The following CD247 variants were observed in gnomAD, a reference collection of about 807,000 sequenced individuals.
The protein encoded by CD247 is T-cell surface glycoprotein CD3 zeta chain.
In CD247, 13 loss-of-function variants were observed where a neutral mutation model predicts 30.0. The observed-to-expected ratio is 0.43, with a 90% CI of 0.28 to 0.69. The LOEUF is 0.69. CD247 is among the 30% of genes least tolerant of loss of function. The pLI is 0.16. For synonymous variants in CD247, 72 were observed against 80.0 expected (o/e 0.90, Z 0.53); for missense variants, 193 against 212.6 (o/e 0.91, Z 0.57).
intron 6 of CD247, among the ~76,000 whole-genome samples, chr1:167,433,659 A>G (rs1183849914): frequency 1.3e-5 from 2 of 152,206 alleles, no homozygotes; most frequent in Non-Finnish European, 2.9e-5. Flanking sequence ...GTTGATGAAC[A>G]ATTCTTAATT....
At chr1:167,468,417 T>C (rs1220440272) in intron 1 of CD247, among the ~76,000 whole-genome samples, 1 of 152,236 alleles carries the variant, frequency 6.6e-6, no homozygotes, top group Admixed American at 6.5e-5. Context: ...GAGTCAATTT[T>C]TTCTTCTGAA....
intron 1 of CD247, among the ~76,000 whole-genome samples, chr1:167,460,306 G>A (rs1378408302): frequency 1.3e-5 from 2 of 152,204 alleles, no homozygotes; most frequent in African/African-American, 4.8e-5. Context: ...GGAAGCTGAG[G>A]TGGGAGGATC....
chr1:167,449,156 T>TTTTTTTTTTTTTTTTTTTC (rs1652238529), intron 1 of CD247, among the ~76,000 whole-genome samples: 3 of 113,592 alleles, frequency 2.6e-5, no homozygotes, highest in Non-Finnish European at 5.1e-5. Context: ...TTTCTTTTTT[T>TTTTTTTTTTTTTTTTTTTC]TTTTTTTTTT....
chr1:167,436,602 T>A (rs1469763392), intron 4 of CD247, among the ~76,000 whole-genome samples: 1 of 152,072 alleles, frequency 6.6e-6, no homozygotes, highest in Non-Finnish European at 1.5e-5. Flanking sequence ...TATACAAAAA[T>A]CAACTGAAAA....
intron 1 of CD247, among the ~76,000 whole-genome samples, chr1:167,484,250 CA>C (rs1654104018): frequency 6.6e-6 from 1 of 152,212 alleles, no homozygotes; most frequent in Admixed American, 6.5e-5. Context: ...AATCAGCAGA[CA>C]CCACCAGCTC....
chr1:167,431,385 C>A lies in CD247; in HGVS notation c.*296G>T. The A allele has an allele frequency of 1.7e-6, 1 of 599,866 alleles. No individual in the cohort carries two copies. Among genetic ancestry groups the A allele is most frequent in the East Asian group, 2.7e-5 (1 of 36,436 alleles). 37.2% of individuals were successfully genotyped at this position (599,866 alleles called of 1,614,324 possible). A position where few individuals can be genotyped will look rare whatever the true frequency, so the allele number is the denominator to read the frequency against. Reference sequence around the variant, plus strand: ...AACAACTCAGCTGTGAGAGGCAGTGCGCCCGCCTCCCAGGGAGAACGAGGA... The same window carrying A: ...AACAACTCAGCTGTGAGAGGCAGTGAGCCCGCCTCCCAGGGAGAACGAGGA... On this transcript the variant is annotated 3_prime_UTR_variant, in exon 8 of 8. Transcript: ENST00000362089.
chr1:167,501,205 A>C (rs1654891683), intron 1 of CD247, among the ~76,000 whole-genome samples: 1 of 151,024 alleles, frequency 6.6e-6, no homozygotes. Context: ...CAGGCATGCC[A>C]CCACACCTGG....
At chr1:167,471,523 T>C (rs1436445716) in intron 1 of CD247, among the ~76,000 whole-genome samples, 2 of 152,354 alleles carry the variant, frequency 1.3e-5, no homozygotes, top group Admixed American at 1.3e-4. Context: ...GTAGCAATGT[T>C]GAACATTTTT....
intron 1 of CD247, among the ~76,000 whole-genome samples, chr1:167,465,309 CCTTTTTTTTTT>C (rs1653190436): frequency 7.8e-6 from 1 of 128,670 alleles, no homozygotes; most frequent in Non-Finnish European, 1.9e-5. Context: ...CTTCCACCTT[CCTTTTTTTTTT>C]CTTTTTCTTT....
intron 2 of CD247, 22 bp from the exon 3 acceptor site, chr1:167,439,422 G>T: frequency 6.2e-7 from 1 of 1,613,484 alleles, no homozygotes; most frequent in Admixed American, 1.7e-5. Context: ...AAAGCAAAGC[G>T]CGTTACTGCT....
intron 1 of CD247, among the ~76,000 whole-genome samples, chr1:167,453,557 A>T (rs60724367): frequency 0.018 from 2,772 of 152,326 alleles, 87 homozygotes; most frequent in African/African-American, 0.063. Flanking sequence ...AAAATAATGT[A>T]AATGTCCATC....
In CD247 at chr1:167,514,147, A is replaced by T. The variant is rs200905190; in HGVS notation, c.58+4261T>A. Among the ~76,000 whole-genome samples, 8 of 141,188 alleles carry T rather than the reference A, an allele frequency of 5.7e-5. No individual in the cohort carries two copies. In the East Asian group the frequency reaches 1.3e-3, roughly 23 times the overall value. The allele number at this position is 141,188 out of a possible 152,430, so 92.6% of individuals were successfully genotyped here. On this transcript the variant is annotated intron_variant, in intron 1 of 7. Transcript: ENST00000362089. Reference sequence around the variant, plus strand: ...ATTCTTATTTTATTTTATTTTATTTATTTTTTTGAGATGGAATCTTGCTCT... The same window carrying T: ...ATTCTTATTTTATTTTATTTTATTTTTTTTTTTGAGATGGAATCTTGCTCT...
Position 167,434,048 on chromosome 1 carries a change from G to A in CD247, c.365C>T (p.Ala122Val), listed in dbSNP as rs372665461. The change falls in exon 6 of 8, where the codon GCC becomes GTC. Residue 122 changes from alanine to valine, a missense_variant. Physicochemically the swap from Ala to Val is moderately conservative, Grantham distance 64 (BLOSUM62 0). Coordinates refer to ENST00000362089, the MANE Select transcript of CD247 (RefSeq NM_198053.3). ...GCCTTTCATCCCAATCTCACTGTAGGCCTCCGCCATCTTATCTTTCTGCAG... is the reference window on the plus strand; with the variant it reads ...GCCTTTCATCCCAATCTCACTGTAGACCTCCGCCATCTTATCTTTCTGCAG... Reference protein sequence around the residue: ...NELQKDKMAEAYSEIGMKGER... With the variant: ...NELQKDKMAEVYSEIGMKGER... 2 of 1,614,090 alleles carry A rather than the reference G, an allele frequency of 1.2e-6. No homozygotes were observed. Among genetic ancestry groups the A allele is most frequent in the Non-Finnish European group, 1.7e-6 (2 of 1,179,932 alleles).
intron 1 of CD247, among the ~76,000 whole-genome samples, chr1:167,476,514 C>T (rs1653753573): frequency 1.3e-5 from 2 of 152,100 alleles, no homozygotes; most frequent in African/African-American, 4.8e-5. Flanking sequence ...ATTAAAATAA[C>T]AATTCATAGT....
At chr1:167,475,852 CA>C (rs1653724791) in intron 1 of CD247, among the ~76,000 whole-genome samples, 1 of 152,010 alleles carries the variant, frequency 6.6e-6, no homozygotes, top group Non-Finnish European at 1.5e-5. Context: ...ATGCAAGAGA[CA>C]GAGAAACTGT....
At chr1:167,504,587 A>AAAGGCTAGT (rs1200243224) in intron 1 of CD247, among the ~76,000 whole-genome samples, 1 of 152,226 alleles carries the variant, frequency 6.6e-6, no homozygotes, top group Non-Finnish European at 1.5e-5. Flanking sequence ...CATCACTAGT[A>AAAGGCTAGT]AAGGCTAGTT....
chr1:167,515,281 G>T (rs111342652), intron 1 of CD247, among the ~76,000 whole-genome samples: 2 of 152,302 alleles, frequency 1.3e-5, no homozygotes, highest in South Asian at 2.1e-4. Flanking sequence ...ATACTCAGTC[G>T]CTGTGCACCC....
At chr1:167,455,147 C>A (rs909932153) in intron 1 of CD247, among the ~76,000 whole-genome samples, 1 of 152,220 alleles carries the variant, frequency 6.6e-6, no homozygotes, top group Admixed American at 6.5e-5. Flanking sequence ...TTTTCGGAGG[C>A]TGGGAGAGGA....
In CD247 at chr1:167,470,346, C is replaced by T. The variant is rs1391355176; in HGVS notation, c.59-29579G>A. Reference sequence around the variant, plus strand: ...AACGGACAACTCAGCTCTACTTGTCCTAAGCAGAACTCCTTATTTCTCCCC... The same window carrying T: ...AACGGACAACTCAGCTCTACTTGTCTTAAGCAGAACTCCTTATTTCTCCCC... On this transcript the variant is annotated intron_variant, in intron 1 of 7. Coordinates refer to ENST00000362089, the MANE Select transcript of CD247 (RefSeq NM_198053.3). Among the ~76,000 whole-genome samples, 6 of 152,250 alleles carry T rather than the reference C, an allele frequency of 3.9e-5. No homozygotes were observed. In the South Asian group the frequency reaches 6.2e-4, roughly 16 times the overall value.
Sources: allele counts gnomAD v4.1 joint callset (sites outside exome capture counted in the v4.1 genomes callset), GRCh38; gene constraint gnomAD v4.1.1; transcripts MANE v1.5; gene names NCBI Gene and HGNC (gene_info 2026-07-23, HGNC 2026-07-21).